OXR1: variants seen among roughly 807,000 people sequenced by gnomAD.
OXR1 encodes the protein oxidation resistance 1.
Under a neutral mutation model 104.6 loss-of-function variants are expected in OXR1, and 41 were observed. The ratio of observed to expected loss-of-function variants is 0.39; its 90% CI spans 0.31 to 0.51. OXR1 has a LOEUF of 0.51. OXR1 is among the 20% of genes least tolerant of loss of function. The pLI, the probability that OXR1 is intolerant of heterozygous loss-of-function variation, is 0.77. For missense variants in OXR1, 955 were observed against 1,031.9 expected (o/e 0.93, Z 1.02); for synonymous variants, 348 against 348.4 (o/e 1.00, Z 0.01).
intron 3 of OXR1, among the ~76,000 whole-genome samples, chr8:106,573,331 A>G (rs1236892259): frequency 7.7e-6 from 1 of 129,602 alleles, no homozygotes; most frequent in South Asian, 2.7e-4. Context: ...GACACCTACA[A>G]TTAACCATCA....
intron 3 of OXR1, among the ~76,000 whole-genome samples, chr8:106,643,930 T>A (rs1014974513): frequency 1.3e-5 from 2 of 152,254 alleles, no homozygotes; most frequent in Admixed American, 6.5e-5. Context: ...ATGTATTCTT[T>A]GTAGCTCTTA....
At chr8:106,698,980 T>C (rs994512377) in intron 7 of OXR1, among the ~76,000 whole-genome samples, 1 of 152,196 alleles carries the variant, frequency 6.6e-6, no homozygotes, top group Non-Finnish European at 1.5e-5. Context: ...ACATATATTC[T>C]TGCACTTTTT....
At chr8:106,677,022 G>A (rs145077958) in intron 3 of OXR1, among the ~76,000 whole-genome samples, 1 of 152,168 alleles carries the variant, frequency 6.6e-6, no homozygotes, top group African/African-American at 2.4e-5. Flanking sequence ...TTGCAAACAT[G>A]TTTAATGAAT....
At chr8:106,281,531 G>A (rs189157252) in intron 1 of OXR1, among the ~76,000 whole-genome samples, 18 of 152,232 alleles carry the variant, frequency 1.2e-4, no homozygotes, top group East Asian at 3.9e-4. Flanking sequence ...TGCCAGGTGC[G>A]GTGGCTCACG....
At chr8:106,477,015 C>A (rs1367730140) in intron 2 of OXR1, among the ~76,000 whole-genome samples, 1 of 151,922 alleles carries the variant, frequency 6.6e-6, no homozygotes. Context: ...CACAATGGTC[C>A]CTATGCTGGA....
intron 1 of OXR1, among the ~76,000 whole-genome samples, chr8:106,284,070 C>T (rs987186639): frequency 3.9e-5 from 6 of 151,956 alleles, no homozygotes; most frequent in African/African-American, 1.2e-4. Flanking sequence ...GGCACTCAGC[C>T]GAACATGGGA....
chr8:106,504,792 A>C (rs762453910), intron 2 of OXR1, among the ~76,000 whole-genome samples: 1 of 152,214 alleles, frequency 6.6e-6, no homozygotes. Flanking sequence ...CATAATTTCT[A>C]TCAGTCATGC....
chr8:106,299,109 CAT>C (rs1813126575), intron 1 of OXR1, among the ~76,000 whole-genome samples: 2 of 152,274 alleles, frequency 1.3e-5, no homozygotes, highest in South Asian at 4.1e-4. Flanking sequence ...ATTGCTCACT[CAT>C]GTGAACTTAC....
intron 1 of OXR1, among the ~76,000 whole-genome samples, chr8:106,330,118 C>G (rs933590010): frequency 3.9e-5 from 6 of 152,124 alleles, no homozygotes; most frequent in Admixed American, 3.9e-4. Flanking sequence ...TTCATACTGC[C>G]CCTTCTATTT....
At chr8:106,272,036 A>C (rs1811838945) in intron 1 of OXR1, 1 of 152,308 alleles carries the variant, frequency 6.6e-6, no homozygotes, top group Non-Finnish European at 1.5e-5. Context: ...GCAGGGACAG[A>C]GACCAGCATT....
intron 2 of OXR1, among the ~76,000 whole-genome samples, chr8:106,395,853 C>T (rs1212994446): frequency 6.6e-6 from 1 of 151,754 alleles, no homozygotes; most frequent in Admixed American, 6.6e-5. Context: ...TAGGGCTGGG[C>T]AGGGAAGATA....
At chr8:106,682,927 T>C (rs1033770299) in intron 4 of OXR1, among the ~76,000 whole-genome samples, 16 of 152,178 alleles carry the variant, frequency 1.1e-4, no homozygotes, top group African/African-American at 3.6e-4. Flanking sequence ...TAATCAGTTT[T>C]TGACTTTTAA....
At chr8:106,749,363 G>A (rs1277249930) in intron 16 of OXR1, among the ~76,000 whole-genome samples, 2 of 151,586 alleles carry the variant, frequency 1.3e-5, no homozygotes, top group Non-Finnish European at 2.9e-5. Context: ...AAAAAAATAG[G>A]TCAGTTCCTC....
In OXR1 at chr8:106,692,921, T is replaced by TTA. The variant is rs778707377; in HGVS notation, c.675+46_675+47dup. On this transcript the variant is annotated intron_variant, in intron 7 of 16. Transcript: ENST00000517566. ...GAGAAGACCTTTAATCATGCTTTAG[T>TTA]TATTACTAATGTATGATAGTTTGGC... The TTA allele has an allele frequency of 7.9e-5, 108 of 1,366,776 alleles. 1 individual carries two copies. In the East Asian group the frequency reaches 2.4e-3, roughly 31 times the overall value. The allele number at this position is 1,366,776 out of a possible 1,614,324, so 84.7% of individuals were successfully genotyped here. A position where few individuals can be genotyped will look rare whatever the true frequency, so the allele number is the denominator to read the frequency against.
At chr8:106,273,590 G>A (rs1262411029) in intron 1 of OXR1, among the ~76,000 whole-genome samples, 1 of 152,172 alleles carries the variant, frequency 6.6e-6, no homozygotes, top group Non-Finnish European at 1.5e-5. Flanking sequence ...CTTAATTTGA[G>A]AAACTTGGCT....
At chr8:106,452,846 A>G (rs2022967) in intron 2 of OXR1, among the ~76,000 whole-genome samples, 16,837 of 151,960 alleles carry the variant, frequency 0.11, 3,187 homozygotes, top group African/African-American at 0.39. Flanking sequence ...AAAATGAAAC[A>G]TAGGCAATCC....
intron 6 of OXR1, among the ~76,000 whole-genome samples, chr8:106,686,647 TTA>T (rs1169736840): frequency 2.0e-5 from 3 of 152,194 alleles, no homozygotes; most frequent in Admixed American, 2.0e-4. Context: ...AGTATTGTTA[TTA>T]TATGTTTTTC....
At chr8:106,723,094 A>T (rs1415378421) in intron 11 of OXR1, among the ~76,000 whole-genome samples, 1 of 152,028 alleles carries the variant, frequency 6.6e-6, no homozygotes, top group Non-Finnish European at 1.5e-5. Flanking sequence ...GGTGGCTCAC[A>T]CCTGTAATCC....
intron 2 of OXR1, among the ~76,000 whole-genome samples, chr8:106,388,243 T>C (rs1586593285): frequency 6.6e-6 from 1 of 152,312 alleles, no homozygotes; most frequent in South Asian, 2.1e-4. Flanking sequence ...GAAAAATTAT[T>C]TGAAGACCTA....
Sources: gnomAD v4.1 joint callset for allele counts (sites outside exome capture counted in the v4.1 genomes callset) on GRCh38, gnomAD v4.1.1 for gene constraint, MANE v1.5 for transcripts, NCBI Gene and HGNC (gene_info 2026-07-23, HGNC 2026-07-21) for gene names.